Variants in PHACTR1 observed in about 807,000 individuals in gnomAD.
The protein encoded by PHACTR1 is RPEL repeat containing 1.
A neutral mutation model predicts 69.2 loss-of-function variants in PHACTR1; 16 were observed. That is an observed-to-expected ratio of 0.23 (90% CI 0.16 to 0.35). PHACTR1 has a LOEUF of 0.35. Among genes scored for constraint, PHACTR1 ranks in the 10% least tolerant of loss-of-function variants. PHACTR1 has a pLI of 1.00. For synonymous variants in PHACTR1, 312 were observed against 284.5 expected, an observed-to-expected ratio of 1.10 and a Z score of -0.97; for missense variants, 510 against 734.7, an observed-to-expected ratio of 0.69 and a Z score of 3.54.
chr6:12,755,583 T>C (rs948778929), intron 4 of PHACTR1, among the ~76,000 whole-genome samples: 31 of 152,164 alleles, frequency 2.0e-4, no homozygotes, highest in African/African-American at 7.2e-4. Context: ...GAATCTCTAT[T>C]ATATAGGCAC....
chr6:13,272,954 G>A, intron 11 of PHACTR1, 39 bp downstream of exon 11: 1 of 1,610,432 alleles, frequency 6.2e-7, no homozygotes, highest in South Asian at 1.1e-5. Flanking sequence ...GATGTTTTGT[G>A]GCGGCTTTTG....
intron 13 of PHACTR1, among the ~76,000 whole-genome samples, chr6:13,285,599 CAT>C (rs1376657151): frequency 6.6e-6 from 1 of 152,146 alleles, no homozygotes; most frequent in Non-Finnish European, 1.5e-5. Context: ...CATCTCAGAA[CAT>C]GTGAGGTTAT....
intron 4 of PHACTR1, among the ~76,000 whole-genome samples, chr6:12,967,960 C>T (rs1405772407): frequency 2.0e-5 from 3 of 152,244 alleles, no homozygotes; most frequent in Non-Finnish European, 4.4e-5. Flanking sequence ...GACGCCTGAG[C>T]AGAGGCTCTG....
chr6:13,062,001 T>C (rs1363386993), intron 5 of PHACTR1, among the ~76,000 whole-genome samples: 1 of 152,150 alleles, frequency 6.6e-6, no homozygotes, highest in Non-Finnish European at 1.5e-5. Context: ...AAATAATTGA[T>C]TGCTTGTTCA....
chr6:12,804,470 C>G (rs1186942041), intron 4 of PHACTR1, among the ~76,000 whole-genome samples: 2 of 152,182 alleles, frequency 1.3e-5, no homozygotes, highest in Non-Finnish European at 2.9e-5. Context: ...AAGAAGATGG[C>G]TGGTCCCATT....
At position 13,046,029 on chromosome 6, in the gene PHACTR1, G is replaced by A. The variant is rs543923227; in HGVS notation, c.251-7336G>A. 2.6e-5 allele frequency among the ~76,000 whole-genome samples: 4 copies of A among 152,246 alleles called. No homozygotes were observed. In the East Asian group the frequency reaches 5.8e-4, roughly 22 times the overall value. On this transcript the variant is annotated intron_variant, in intron 4 of 14. Coordinates refer to ENST00000332995, the MANE Select transcript of PHACTR1 (RefSeq NM_030948.6). ...CACACTATTGATTCTTCCCCCATGA[G>A]GACTACCATTCTTGCAAGCAATAAG... is the stretch of plus-strand genomic sequence containing the variant.
intron 4 of PHACTR1, among the ~76,000 whole-genome samples, chr6:12,949,262 G>T (rs6929107): frequency 0.32 from 41,832 of 129,494 alleles, 9,750 homozygotes; most frequent in African/African-American, 0.67. Context: ...AGAGCGAAAC[G>T]TCATCTCAAA....
chr6:13,212,876 T>C (rs569534174), intron 8 of PHACTR1, among the ~76,000 whole-genome samples: 55 of 152,266 alleles, frequency 3.6e-4, no homozygotes, highest in African/African-American at 1.3e-3. Context: ...GCCCTTCCCG[T>C]TCAATATTGC....
chr6:12,745,237 G>A (rs1263933544), intron 3 of PHACTR1, among the ~76,000 whole-genome samples: 1 of 152,172 alleles, frequency 6.6e-6, no homozygotes, highest in Non-Finnish European at 1.5e-5. Flanking sequence ...TGTATGAAGT[G>A]TAATTTTCCT....
chr6:12,937,827 T>G (rs549929778), intron 4 of PHACTR1, among the ~76,000 whole-genome samples: 2 of 152,272 alleles, frequency 1.3e-5, no homozygotes, highest in East Asian at 1.9e-4. Context: ...CTGGCTGGGC[T>G]CCGTGGCTCA....
intron 4 of PHACTR1, among the ~76,000 whole-genome samples, chr6:12,972,836 A>T (rs1351278343): frequency 1.3e-5 from 2 of 152,076 alleles, no homozygotes; most frequent in South Asian, 4.1e-4. Flanking sequence ...TTTTCAGTAG[A>T]GACGGGGTTT....
intron 10 of PHACTR1, among the ~76,000 whole-genome samples, chr6:13,233,904 G>A (rs1204108332): frequency 6.6e-6 from 1 of 152,170 alleles, no homozygotes; most frequent in Non-Finnish European, 1.5e-5. Context: ...CTTTCTTTGT[G>A]GTAAGACCCT....
intron 4 of PHACTR1, among the ~76,000 whole-genome samples, chr6:12,798,321 T>C (rs1773321707): frequency 6.6e-6 from 1 of 152,142 alleles, no homozygotes; most frequent in Non-Finnish European, 1.5e-5. Flanking sequence ...ATATAATGGA[T>C]GGCAGTGATA....
At chr6:12,782,932 AT>A (rs1473521505) in intron 4 of PHACTR1, among the ~76,000 whole-genome samples, 1 of 152,222 alleles carries the variant, frequency 6.6e-6, no homozygotes, top group East Asian at 1.9e-4. Context: ...AAGGATAAAT[AT>A]TTGTGTTCAA....
At chr6:13,084,946 G>A (rs1812026971) in intron 5 of PHACTR1, among the ~76,000 whole-genome samples, 4 of 151,970 alleles carry the variant, frequency 2.6e-5, no homozygotes, top group Admixed American at 6.6e-5. Flanking sequence ...TAATGAAAAC[G>A]CTAAGAAAAT....
intron 5 of PHACTR1, among the ~76,000 whole-genome samples, chr6:13,086,992 T>C (rs111486141): frequency 0.012 from 1,847 of 152,100 alleles, 35 homozygotes; most frequent in African/African-American, 0.041. Flanking sequence ...AATTCAAATT[T>C]GCATTTTCAT....
chr6:13,047,581 G>A (rs1055478166), intron 4 of PHACTR1, among the ~76,000 whole-genome samples: 1 of 151,946 alleles, frequency 6.6e-6, no homozygotes, highest in Non-Finnish European at 1.5e-5. Flanking sequence ...TTCACTTAGG[G>A]TTAAGAAACA....
chr6:13,217,938 C>G (rs1178492932), intron 8 of PHACTR1, among the ~76,000 whole-genome samples: 2 of 152,222 alleles, frequency 1.3e-5, no homozygotes, highest in African/African-American at 4.8e-5. Flanking sequence ...ATTATTCTCT[C>G]TCCCCTCTGA....
At chr6:12,976,852 TTATTA>T (rs530078422) in intron 4 of PHACTR1, among the ~76,000 whole-genome samples, 481 of 152,330 alleles carry the variant, frequency 3.2e-3, no homozygotes, top group African/African-American at 0.011. Context: ...TTGCTCTACT[TTATTA>T]TAAGTAATTG....
Sources: gnomAD v4.1 joint callset for allele counts (sites outside exome capture counted in the v4.1 genomes callset) on GRCh38, gnomAD v4.1.1 for gene constraint, MANE v1.5 for transcripts, NCBI Gene and HGNC (gene_info 2026-07-23, HGNC 2026-07-21) for gene names.